The following SLC35B1 variants were observed in gnomAD, a reference collection of about 807,000 sequenced individuals.
SLC35B1 encodes ATP/ADP exchanger ER.
A neutral mutation model predicts 36.6 loss-of-function variants in SLC35B1; 27 were observed. The ratio of observed to expected loss-of-function variants is 0.74; its 90% CI spans 0.54 to 1.02. The LOEUF is 1.02. Among genes scored for constraint, SLC35B1 ranks in the 50% least tolerant of loss-of-function variants. SLC35B1 has a pLI of 0.00. For missense variants in SLC35B1, 321 were observed against 383.2 expected, an observed-to-expected ratio of 0.84 and a Z score of 1.35; for synonymous variants, 162 against 152.5, an observed-to-expected ratio of 1.06 and a Z score of -0.46.
chr17:49,707,117 T>C (rs2073429017), intron 1 of SLC35B1, 49 bp from the exon 2 acceptor site: 3 of 1,482,102 alleles, frequency 2.0e-6, no homozygotes. Flanking sequence ...TGTATTTCAC[T>C]CACTGTCATC....
At chr17:49,707,122 G>T (rs1401245891) in intron 1 of SLC35B1, 54 bp from the exon 2 acceptor site, 7 of 1,469,362 alleles carry the variant, frequency 4.8e-6, no homozygotes, top group Non-Finnish European at 6.7e-6. Context: ...TTCACTCACT[G>T]TCATCTAATA....
chr17:49,706,990 C>T lies in SLC35B1; in HGVS notation c.183G>A (p.Val61=), dbSNP rs1331178858. Residue 61 remains valine (V), a synonymous_variant, in exon 2 of 9, where the codon GTG becomes GTA. Coordinates refer to ENST00000240333, the MANE Select transcript of SLC35B1 (RefSeq NM_005827.4). The stretch of plus-strand genomic sequence containing the variant: ...AGATCTTGGCAAACACAGCATTGAT[C>T]ACACATTGAATGAAGACCAAAGTTA... ...FALTLVFIQC[V]INAVFAKILI... is the part of the protein sequence containing the mutation. 1 of 1,613,850 alleles carries T rather than the reference C, an allele frequency of 6.2e-7. No individual in the cohort carries two copies. Among genetic ancestry groups the T allele is most frequent in the African/African-American group, 1.3e-5 (1 of 74,914 alleles).
At chr17:49,705,833 C>T (rs748829249) in intron 4 of SLC35B1, 33 bp downstream of exon 4, 59 of 1,608,444 alleles carry the variant, frequency 3.7e-5, no homozygotes, top group Admixed American at 1.2e-4. Context: ...GGAAGAGTGA[C>T]GACAGAAGAG....
intron 1 of SLC35B1, 35 bp from the exon 2 acceptor site, chr17:49,707,103 T>G (rs1169729107): frequency 6.5e-7 from 1 of 1,546,212 alleles, no homozygotes; most frequent in South Asian, 1.1e-5. Context: ...GAGGGAGAAA[T>G]TAGTGTATTT....
rs1567821429 is a variant in SLC35B1 at position 49,706,893 on chromosome 17, T to C, written c.208+72A>G. ...GAGTTAGCCTTTAAGGTTGAATCAA[T>C]GCTTAATGCCCAGCATACTGAGGGA... On this transcript the variant is annotated intron_variant, in intron 2 of 8. Transcript: ENST00000240333. 38 of 1,066,710 alleles carry C rather than the reference T, an allele frequency of 3.6e-5. 2 individuals carry two copies. The highest frequency in any genetic ancestry group is 3.3e-4 in the South Asian group (26 of 79,474). The allele number at this position is 1,066,710 out of a possible 1,614,324, so 66.1% of individuals were successfully genotyped here.
chr17:49,701,877 C>A (rs934981020), intron 8 of SLC35B1: 18 of 376,322 alleles, frequency 4.8e-5, no homozygotes, highest in Non-Finnish European at 7.9e-5. Context: ...ATCATTTGAG[C>A]CCAGGAGTTT....
At chr17:49,703,141 C>T (rs1159238205) in intron 7 of SLC35B1, 47 bp downstream of exon 7, 1 of 1,584,174 alleles carries the variant, frequency 6.3e-7, no homozygotes, top group Non-Finnish European at 8.7e-7. Flanking sequence ...CTTAGGGAAC[C>T]AGCTGCCAGA....
At chr17:49,703,345 T>C (rs74770256) in intron 6 of SLC35B1, 51 bp from the exon 7 acceptor site, 3 of 893,780 alleles carry the variant, frequency 3.4e-6, no homozygotes, top group African/African-American at 5.8e-5. Context: ...ACACAAAATG[T>C]GCGCACACAC....
At chr17:49,703,521 G>T (rs1406425922) in intron 6 of SLC35B1, 10 of 467,900 alleles carry the variant, frequency 2.1e-5, no homozygotes, top group East Asian at 4.2e-5. Flanking sequence ...TGTGAGAAAG[G>T]CTTGAAAGTT....
Position 49,703,253 on chromosome 17 carries a change from C to G in SLC35B1, c.697G>C (p.Ala233Pro), listed in dbSNP as rs1165488017. 4 of 1,613,756 alleles carry G rather than the reference C, an allele frequency of 2.5e-6. No individual in the cohort carries two copies. The African/African-American group carries it at 5.3e-5, about 22-fold the overall frequency. Residue 233 changes from alanine (A) to proline (P), a missense_variant, in exon 7 of 9, where the codon GCT becomes CCT. Transcript: ENST00000240333. ...TAGATGATGGCAGGGTACCTTTCAG[C>G]AAAGCTCAAGAACTCCCAGAGCTCC... ...TGELWEFLSF[A>P]ERYPAIIYNI... is the part of the protein sequence containing the mutation.
At position 49,702,940 on chromosome 17, in the gene SLC35B1, G is replaced by A; in HGVS notation, c.834C>T (p.Phe278=). The change falls in exon 8 of 9, where the codon TTC becomes TTT. Residue 278 remains phenylalanine (F), a synonymous_variant. Transcript: ENST00000240333. ...TCSIITTTRK[F]FTILASVILF... is the part of the protein sequence containing the mutation. ...GGATCACAGAGGCCAAAATTGTGAA[G>A]AACTTTCGAGTTGTAGTGATGATGG... The A allele has an allele frequency of 1.2e-6, 2 of 1,614,134 alleles. No homozygotes were observed. The highest frequency in any genetic ancestry group is 1.7e-6 in the Non-Finnish European group (2 of 1,180,022).
Position 49,702,896 on chromosome 17 carries a change from C to T in SLC35B1, c.878G>A (p.Ser293Asn), listed in dbSNP as rs1273800107. ...CACAGTGCCCACCCACTGCATGGGGCTGATGGGATTGGCGAAGAGGATCAC... is the reference window on the plus strand; with the variant it reads ...CACAGTGCCCACCCACTGCATGGGGTTGATGGGATTGGCGAAGAGGATCAC... ...ASVILFANPI[S>N]PMQWVGTVLV... Residue 293 changes from serine to asparagine, a missense_variant, in exon 8 of 9, where the codon AGC (serine) becomes AAC (asparagine). By Grantham distance (46) the Ser-to-Asn change is conservative. Transcript: ENST00000240333. 9.9e-6 allele frequency: 16 copies of T among 1,613,986 alleles called. No homozygotes were observed. The highest frequency in any genetic ancestry group is 1.4e-5 in the Non-Finnish European group (16 of 1,180,024).
At chr17:49,702,036 T>A (rs1261126469) in intron 8 of SLC35B1, 2 of 240,392 alleles carry the variant, frequency 8.3e-6, no homozygotes, top group Non-Finnish European at 1.8e-5. Context: ...AAGGTTGCAG[T>A]GGACTATGAT....
At chr17:49,702,816 G>GA (rs567307636) in intron 8 of SLC35B1, 42 bp downstream of exon 8, 627 of 1,553,594 alleles carry the variant, frequency 4.0e-4, no homozygotes, top group Admixed American at 2.2e-3. Context: ...AATTTTAGGA[G>GA]AAAAAATTCA....
At chr17:49,706,376 G>GAAAAAAAAAAAAAAAAAAAAAAAAAC (rs376610823) in intron 2 of SLC35B1, 42 bp from the exon 3 acceptor site, 1 of 472,610 alleles carries the variant, frequency 2.1e-6, no homozygotes, top group Non-Finnish European at 2.8e-6. Context: ...GAAAAGAAAA[G>GAAAAAAAAAAAAAAAAAAAAAAAAAC]AAAAAAAAAA....
At chr17:49,705,612 C>A in intron 4 of SLC35B1, 1 of 595,672 alleles carries the variant, frequency 1.7e-6, no homozygotes, top group Non-Finnish European at 3.0e-6. Context: ...ACAATATAAA[C>A]ACATGCAACA....
Sources: gnomAD v4.1 joint callset for allele counts on GRCh38, gnomAD v4.1.1 for gene constraint, MANE v1.5 for transcripts, NCBI Gene and HGNC (gene_info 2026-07-23, HGNC 2026-07-21) for gene names.